C8orf34: variants seen among roughly 807,000 people sequenced by gnomAD.
C8orf34 encodes chromosome 8 open reading frame 34.
C8orf34 carries 65 observed loss-of-function variants against 68.3 expected under a neutral mutation model. The observed-to-expected ratio is 0.95, with a 90% CI of 0.78 to 1.17. The LOEUF (loss-of-function observed/expected upper bound fraction) is 1.17, where lower values mean the gene tolerates loss of function less well. Among genes scored for constraint, C8orf34 ranks in the 50% most tolerant of loss-of-function variants. The pLI is 0.00. For synonymous variants in C8orf34, 244 were observed against 241.2 expected (o/e 1.01, Z -0.11); for missense variants, 664 against 655.4 (o/e 1.01, Z -0.14).
In C8orf34 at chr8:68,435,106, T is replaced by C. The variant is rs143186515; in HGVS notation, c.328-4393T>C. Among the ~76,000 whole-genome samples the C allele has an allele frequency of 8.3e-3, 1,232 of 149,186 alleles. 7 individuals are homozygous for C. The highest frequency in any genetic ancestry group is 0.018 in the Middle Eastern group (5 of 280). Reference sequence around the variant, plus strand: ...TTATTATCAGAAAATATAAGCCCAATAAAATATGTATTATTCATATATAAT... The same window carrying C: ...TTATTATCAGAAAATATAAGCCCAACAAAATATGTATTATTCATATATAAT... On this transcript the variant is annotated intron_variant, in intron 1 of 13. Coordinates refer to ENST00000518698, the MANE Select transcript of C8orf34 (RefSeq NM_052958.4).
chr8:68,793,034 A>C (rs1052105589), intron 12 of C8orf34, among the ~76,000 whole-genome samples: 26 of 152,174 alleles, frequency 1.7e-4, no homozygotes, highest in African/African-American at 6.0e-4. Flanking sequence ...TCTCCACAAG[A>C]GAAAATAGAA....
chr8:68,728,028 AG>A (rs1416484475), intron 10 of C8orf34, among the ~76,000 whole-genome samples: 3 of 152,202 alleles, frequency 2.0e-5, no homozygotes, highest in Admixed American at 1.3e-4. Context: ...TCACATAGTC[AG>A]GCTGCAAAAT....
At chr8:68,784,590 T>C (rs2978239) in intron 11 of C8orf34, among the ~76,000 whole-genome samples, 71,229 of 152,092 alleles carry the variant, frequency 0.47, 19,396 homozygotes, top group African/African-American at 0.76. Flanking sequence ...CTCCTGTATA[T>C]ACATTTGTCT....
chr8:68,408,831 C>A (rs1212181138), intron 1 of C8orf34, among the ~76,000 whole-genome samples: 1 of 151,964 alleles, frequency 6.6e-6, no homozygotes, highest in South Asian at 2.1e-4. Context: ...CTCTGTCACC[C>A]AGGCTAGAGT....
chr8:68,607,843 G>A (rs74844362), intron 7 of C8orf34, among the ~76,000 whole-genome samples: 2,303 of 152,136 alleles, frequency 0.015, 51 homozygotes, highest in African/African-American at 0.052. Flanking sequence ...GTGTAGTCTT[G>A]ATTATGTTTT....
intron 9 of C8orf34, among the ~76,000 whole-genome samples, chr8:68,710,135 G>T (rs185583708): frequency 4.0e-4 from 61 of 152,216 alleles, no homozygotes; most frequent in Admixed American, 2.1e-3. Flanking sequence ...ACTAGATTGC[G>T]GCTCCCACTC....
chr8:68,644,223 C>A (rs769345021), intron 8 of C8orf34, among the ~76,000 whole-genome samples: 1 of 152,020 alleles, frequency 6.6e-6, no homozygotes, highest in Non-Finnish European at 1.5e-5. Flanking sequence ...GCTTATATAC[C>A]CTCTTCATAG....
chr8:68,645,052 T>C (rs958743226), intron 8 of C8orf34, among the ~76,000 whole-genome samples: 1 of 152,180 alleles, frequency 6.6e-6, no homozygotes, highest in African/African-American at 2.4e-5. Flanking sequence ...ATAATTAGTG[T>C]TAAATTATGT....
At chr8:68,468,451 T>C (rs1488586403) in intron 3 of C8orf34, among the ~76,000 whole-genome samples, 5 of 152,204 alleles carry the variant, frequency 3.3e-5, no homozygotes, top group Middle Eastern at 3.4e-3. Flanking sequence ...TTTAAGTTAA[T>C]ACCTGAATTT....
chr8:68,557,334 G>A (rs1019672332), intron 7 of C8orf34, among the ~76,000 whole-genome samples: 4 of 152,090 alleles, frequency 2.6e-5, no homozygotes, highest in African/African-American at 9.7e-5. Flanking sequence ...TTTCTAATTA[G>A]CTAATCCTTT....
intron 7 of C8orf34, among the ~76,000 whole-genome samples, chr8:68,591,338 A>G (rs1345023310): frequency 6.6e-6 from 1 of 152,164 alleles, no homozygotes; most frequent in East Asian, 1.9e-4. Flanking sequence ...TTTGGGCAAT[A>G]TCAAGTCAAA....
chr8:68,784,588 T>C (rs1419068545), intron 11 of C8orf34, among the ~76,000 whole-genome samples: 1 of 152,238 alleles, frequency 6.6e-6, no homozygotes, highest in East Asian at 1.9e-4. Context: ...TGCTCCTGTA[T>C]ATACATTTGT....
intron 10 of C8orf34, among the ~76,000 whole-genome samples, chr8:68,757,502 C>A (rs534183935): frequency 2.0e-5 from 3 of 151,942 alleles, no homozygotes; most frequent in Admixed American, 2.0e-4. Flanking sequence ...TGATGGCGGG[C>A]GCCTGTAGTC....
chr8:68,340,314 G>A (rs557299603), intron 1 of C8orf34, among the ~76,000 whole-genome samples: 1 of 152,002 alleles, frequency 6.6e-6, no homozygotes, highest in Non-Finnish European at 1.5e-5. Flanking sequence ...ATAAAAACAT[G>A]AATTAATGAT....
chr8:68,477,793 C>G (rs1812685552), intron 4 of C8orf34, among the ~76,000 whole-genome samples: 1 of 152,326 alleles, frequency 6.6e-6, no homozygotes, highest in East Asian at 1.9e-4. Context: ...TATGTGCACC[C>G]ACAGGCCCAA....
At chr8:68,749,077 G>A (rs539699562) in intron 10 of C8orf34, among the ~76,000 whole-genome samples, 179 of 152,074 alleles carry the variant, frequency 1.2e-3, no homozygotes, top group Middle Eastern at 6.8e-3. Flanking sequence ...ATGAGTTCAC[G>A]TCCTTTGTAG....
chr8:68,586,480 A>G (rs1161393887), intron 7 of C8orf34, among the ~76,000 whole-genome samples: 2 of 152,186 alleles, frequency 1.3e-5, no homozygotes, highest in Non-Finnish European at 2.9e-5. Flanking sequence ...AGGGCTAGTT[A>G]GTTAAAACTG....
chr8:68,721,482 T>A, intron 10 of C8orf34, 45 bp downstream of exon 10: 1 of 1,197,900 alleles, frequency 8.3e-7, no homozygotes, highest in East Asian at 2.4e-5. Flanking sequence ...CTAAAACTAA[T>A]TTAAATTACT....
chr8:68,637,939 T>C (rs576585311), intron 7 of C8orf34, among the ~76,000 whole-genome samples: 29 of 152,252 alleles, frequency 1.9e-4, no homozygotes, highest in Non-Finnish European at 3.2e-4. Context: ...AAGATTAGTG[T>C]TAGAAAGTGA....
Sources: gnomAD v4.1 joint callset for allele counts (sites outside exome capture counted in the v4.1 genomes callset) on GRCh38, gnomAD v4.1.1 for gene constraint, MANE v1.5 for transcripts, NCBI Gene and HGNC (gene_info 2026-07-23, HGNC 2026-07-21) for gene names.